The following CEP63 variants were observed in gnomAD, a reference collection of about 807,000 sequenced individuals.
CEP63 encodes centrosomal protein of 63 kDa.
A neutral mutation model predicts 89.1 loss-of-function variants in CEP63; 84 were observed. That is an observed-to-expected ratio of 0.94 (90% CI 0.79 to 1.13). The LOEUF is 1.13. Ranked by LOEUF, CEP63 falls within the 50% of genes most tolerant of loss-of-function variation. The pLI, the probability that CEP63 is intolerant of heterozygous loss-of-function variation, is 0.00. For missense variants in CEP63, 838 were observed against 813.3 expected, an observed-to-expected ratio of 1.03 and a Z score of -0.37; for synonymous variants, 267 against 272.5, an observed-to-expected ratio of 0.98 and a Z score of 0.20.
the CEP63 span, among the ~76,000 whole-genome samples, chr3:134,696,546 G>A: frequency 6.6e-6 from 1 of 152,188 alleles, no homozygotes; most frequent in South Asian, 2.1e-4. Context: ...TGAATTAGAA[G>A]TAGTATATGA....
At chr3:134,558,039 T>C (rs1044973794) in intron 12 of CEP63, 103 bp from the exon 13 acceptor site, 2 of 954,158 alleles carry the variant, frequency 2.1e-6, no homozygotes, top group Admixed American at 1.8e-5. Flanking sequence ...AGCCATAGAT[T>C]AACTACTTAC....
chr3:134,535,266 T>C (rs2109147132), intron 5 of CEP63: 1 of 152,420 alleles, frequency 6.6e-6, no homozygotes, highest in East Asian at 1.9e-4. Context: ...CTGCAGAAGC[T>C]GTTCACATAG....
At chr3:134,716,739 A>G in the CEP63 span, among the ~76,000 whole-genome samples, 3 of 152,018 alleles carry the variant, frequency 2.0e-5, no homozygotes, top group Admixed American at 6.6e-5. Flanking sequence ...CACCCCCCCA[A>G]TCCAGCCTCC....
the CEP63 span, among the ~76,000 whole-genome samples, chr3:134,769,061 G>A: frequency 6.6e-6 from 1 of 152,190 alleles, no homozygotes; most frequent in Admixed American, 6.5e-5. Context: ...CTTGGACTTA[G>A]AGACTCACAA....
chr3:134,611,048 G>A, the CEP63 span, among the ~76,000 whole-genome samples: 2 of 152,194 alleles, frequency 1.3e-5, no homozygotes, highest in Non-Finnish European at 2.9e-5. Flanking sequence ...TGACTGGTGG[G>A]TCTGTCCTTT....
chr3:134,526,039 TC>T (rs1948579136), intron 3 of CEP63, among the ~76,000 whole-genome samples: 2 of 152,186 alleles, frequency 1.3e-5, no homozygotes, highest in African/African-American at 2.4e-5. Flanking sequence ...CCAGATTGGT[TC>T]CATTCTCCCC....
the CEP63 span, among the ~76,000 whole-genome samples, chr3:134,710,507 A>G: frequency 6.6e-6 from 1 of 152,326 alleles, no homozygotes; most frequent in African/African-American, 2.4e-5. Flanking sequence ...GTTTTTACAG[A>G]AATAACACGA....
chr3:134,595,637 C>T, the CEP63 span, among the ~76,000 whole-genome samples: 5 of 152,242 alleles, frequency 3.3e-5, no homozygotes, highest in Middle Eastern at 3.4e-3. Flanking sequence ...GATGACTAAA[C>T]ATCTAGAGTG....
At chr3:134,676,248 G>A in the CEP63 span, among the ~76,000 whole-genome samples, 1 of 152,210 alleles carries the variant, frequency 6.6e-6, no homozygotes, top group Non-Finnish European at 1.5e-5. Flanking sequence ...ATTTAGGCAT[G>A]GAGAAGAATG....
intron 11 of CEP63, among the ~76,000 whole-genome samples, chr3:134,574,179 T>C (rs571574612): frequency 1.3e-5 from 2 of 152,226 alleles, no homozygotes; most frequent in Non-Finnish European, 2.9e-5. Context: ...GAGCTGGTGC[T>C]CTGTGTGCTC....
chr3:134,728,874 C>G, the CEP63 span, among the ~76,000 whole-genome samples: 5 of 152,104 alleles, frequency 3.3e-5, no homozygotes, highest in Non-Finnish European at 5.9e-5. Context: ...AGAATTTTCT[C>G]TCGTCAAAAG....
At chr3:134,554,694 C>T (rs1470851703) in intron 12 of CEP63, among the ~76,000 whole-genome samples, 163 of 144,192 alleles carry the variant, frequency 1.1e-3, no homozygotes, top group South Asian at 2.2e-3. Context: ...CTTTATAGTC[C>T]CACCAACAGT....
the CEP63 span, among the ~76,000 whole-genome samples, chr3:134,723,101 C>T: frequency 9.2e-5 from 14 of 152,220 alleles, no homozygotes; most frequent in Admixed American, 9.2e-4. Context: ...CTTATGGCTG[C>T]TGGCTTCACT....
At chr3:134,637,215 C>A in the CEP63 span, among the ~76,000 whole-genome samples, 1 of 152,326 alleles carries the variant, frequency 6.6e-6, no homozygotes, top group East Asian at 1.9e-4. Context: ...TTAAGCATTT[C>A]AGAGTTCAAG....
intron 6 of CEP63, among the ~76,000 whole-genome samples, chr3:134,544,636 T>G (rs199746654): frequency 9.6e-5 from 14 of 145,300 alleles, no homozygotes; most frequent in Admixed American, 2.1e-4. Context: ...ATGCTCTAGG[T>G]GGGGGGGGGA....
chr3:134,614,428 G>T, the CEP63 span, among the ~76,000 whole-genome samples: 6 of 152,054 alleles, frequency 3.9e-5, no homozygotes, highest in African/African-American at 1.4e-4. Context: ...TGAACAAGCT[G>T]CCAAGGAGCA....
intron 10 of CEP63, among the ~76,000 whole-genome samples, chr3:134,584,743 A>G (rs1419635550): frequency 6.6e-6 from 1 of 152,116 alleles, no homozygotes; most frequent in Non-Finnish European, 1.5e-5. Flanking sequence ...GAATAGTTTC[A>G]GAAGAAATGG....
the CEP63 span, among the ~76,000 whole-genome samples, chr3:134,703,363 A>G: frequency 6.6e-6 from 1 of 151,764 alleles, no homozygotes; most frequent in South Asian, 2.1e-4. Flanking sequence ...TAGCAAAGAC[A>G]TGGAATCAAC....
the CEP63 span, among the ~76,000 whole-genome samples, chr3:134,649,526 C>A: frequency 6.6e-6 from 1 of 152,204 alleles, no homozygotes; most frequent in Non-Finnish European, 1.5e-5. Context: ...TTGATGCCCT[C>A]TGTTGACTTT....
Sources: allele counts gnomAD v4.1 joint callset (sites outside exome capture counted in the v4.1 genomes callset), GRCh38; gene constraint gnomAD v4.1.1; transcripts MANE v1.5; gene names NCBI Gene and HGNC (gene_info 2026-07-23, HGNC 2026-07-21).